Variants in MAN2A1 observed in about 807,000 individuals in gnomAD.
The protein encoded by MAN2A1 is alpha-mannosidase 2.
MAN2A1 carries 76 observed loss-of-function variants against 142.6 expected under a neutral mutation model. The ratio of observed to expected loss-of-function variants is 0.53; its 90% CI spans 0.44 to 0.65. The LOEUF (loss-of-function observed/expected upper bound fraction) is 0.65, where lower values mean the gene tolerates loss of function less well. Ranked by LOEUF, MAN2A1 falls within the 30% of genes least tolerant of loss-of-function variation. MAN2A1 has a pLI of 0.00. For synonymous variants in MAN2A1, 559 were observed against 473.2 expected, an observed-to-expected ratio of 1.18 and a Z score of -2.35; for missense variants, 1,311 against 1,365.1, an observed-to-expected ratio of 0.96 and a Z score of 0.62.
intron 19 of MAN2A1, among the ~76,000 whole-genome samples, chr5:109,848,951 C>T (rs552922309): frequency 6.6e-6 from 1 of 152,350 alleles, no homozygotes; most frequent in East Asian, 1.9e-4. Flanking sequence ...CCATCATATT[C>T]TGAAAGAGCT....
intron 7 of MAN2A1, among the ~76,000 whole-genome samples, chr5:109,772,405 G>A (rs1344667819): frequency 6.6e-6 from 1 of 152,138 alleles, no homozygotes; most frequent in Non-Finnish European, 1.5e-5. Context: ...TACAAGTATT[G>A]AAATGTTAAC....
In MAN2A1 at chr5:109,823,877, T is replaced by A. The variant is rs111907248; in HGVS notation, c.2566+40T>A. Reference sequence around the variant, plus strand: ...ATGCAGTTATGAAACATATGTATTATGGTTTTTGAATTCTTGCTTTTCTTA... The same window carrying A: ...ATGCAGTTATGAAACATATGTATTAAGGTTTTTGAATTCTTGCTTTTCTTA... On this transcript the variant is annotated intron_variant, in intron 16 of 21. Coordinates refer to ENST00000261483, the MANE Select transcript of MAN2A1 (RefSeq NM_002372.4). 6 of 999,116 alleles carry A rather than the reference T, an allele frequency of 6.0e-6. No individual in the cohort carries two copies. The South Asian group carries it at 1.2e-4, about 21-fold the overall frequency. The allele number at this position is 999,116 out of a possible 1,614,324, so 61.9% of individuals were successfully genotyped here. A position where few individuals can be genotyped will look rare whatever the true frequency, so the allele number is the denominator to read the frequency against.
At chr5:109,739,785 C>G (rs1223558343) in intron 4 of MAN2A1, among the ~76,000 whole-genome samples, 1 of 152,106 alleles carries the variant, frequency 6.6e-6, no homozygotes, top group Non-Finnish European at 1.5e-5. Context: ...ACCTGATTTC[C>G]TTTTGGGAAG....
chr5:109,784,028 G>A (rs1244926633), intron 9 of MAN2A1, among the ~76,000 whole-genome samples: 3 of 151,922 alleles, frequency 2.0e-5, no homozygotes, highest in Non-Finnish European at 4.4e-5. Context: ...ACTACACCTG[G>A]CTAAGATAGA....
intron 7 of MAN2A1, among the ~76,000 whole-genome samples, chr5:109,772,374 T>TAAAC (rs746717301): frequency 1.3e-5 from 2 of 152,146 alleles, no homozygotes; most frequent in Non-Finnish European, 2.9e-5. Context: ...GTCTCTAAAA[T>TAAAC]AAACAAACAA....
In MAN2A1 at chr5:109,774,919, A is replaced by G; in HGVS notation, c.1328A>G (p.Gln443Arg). The stretch of plus-strand genomic sequence containing the variant: ...TGGGATTTACAGTTTAAGAATTATC[A>G]GCAGCTTTTTGATTATATGAATTCT... ...TEWDLQFKNYQQLFDYMNSQS... is the reference protein window; with the variant it reads ...TEWDLQFKNYRQLFDYMNSQS... The change falls in exon 8 of 22, where the codon CAG (glutamine) becomes CGG (arginine). Residue 443 changes from glutamine (Q) to arginine (R), a missense_variant. Physicochemically the swap from Gln to Arg is conservative, Grantham distance 43. Transcript: ENST00000261483. The G allele has an allele frequency of 6.2e-7, 1 of 1,611,392 alleles. No homozygotes were observed. The highest frequency in any genetic ancestry group is 8.5e-7 in the Non-Finnish European group (1 of 1,178,404).
intron 17 of MAN2A1, among the ~76,000 whole-genome samples, chr5:109,842,767 A>G (rs749745272): frequency 4.0e-5 from 6 of 150,824 alleles, no homozygotes; most frequent in Non-Finnish European, 8.9e-5. Flanking sequence ...TCTACCAGAA[A>G]GGAAACATAA....
chr5:109,757,912 G>C (rs1417202991), intron 5 of MAN2A1, among the ~76,000 whole-genome samples: 1 of 152,066 alleles, frequency 6.6e-6, no homozygotes, highest in Non-Finnish European at 1.5e-5. Flanking sequence ...TCTGTTGTAT[G>C]GATATACCAG....
chr5:109,799,955 G>A (rs1164094873), intron 12 of MAN2A1, among the ~76,000 whole-genome samples: 1 of 152,032 alleles, frequency 6.6e-6, no homozygotes, highest in African/African-American at 2.4e-5. Flanking sequence ...GGGAGTGGTA[G>A]CATGCACCTG....
At chr5:109,718,280 C>A (rs1043705034) in intron 3 of MAN2A1, among the ~76,000 whole-genome samples, 3 of 152,082 alleles carry the variant, frequency 2.0e-5, no homozygotes, top group Non-Finnish European at 4.4e-5. Flanking sequence ...TTTAAAAGAC[C>A]TTTATTCTTT....
chr5:109,714,250 G>C (rs1293636944), intron 2 of MAN2A1, among the ~76,000 whole-genome samples: 3 of 151,688 alleles, frequency 2.0e-5, no homozygotes, highest in Admixed American at 6.6e-5. Flanking sequence ...TTCCAGTATG[G>C]AAGCCCCTGT....
intron 12 of MAN2A1, among the ~76,000 whole-genome samples, chr5:109,808,707 T>G (rs1754238454): frequency 6.7e-6 from 1 of 149,490 alleles, no homozygotes. Context: ...CACTAATTTT[T>G]TTTTTTTTTT....
intron 1 of MAN2A1, among the ~76,000 whole-genome samples, chr5:109,701,575 T>G (rs749152719): frequency 7.2e-5 from 11 of 152,192 alleles, no homozygotes; most frequent in Admixed American, 1.3e-4. Context: ...GGAAAGGAGC[T>G]AAGAGAATAT....
At chr5:109,806,635 G>A (rs1014046141) in intron 12 of MAN2A1, among the ~76,000 whole-genome samples, 1 of 151,978 alleles carries the variant, frequency 6.6e-6, no homozygotes, top group Non-Finnish European at 1.5e-5. Flanking sequence ...TACTTTCCTT[G>A]CCATTCTTAG....
intron 12 of MAN2A1, among the ~76,000 whole-genome samples, chr5:109,815,071 G>A (rs1754417014): frequency 6.6e-6 from 1 of 152,174 alleles, no homozygotes; most frequent in East Asian, 1.9e-4. Context: ...CATTTCTGGG[G>A]TTCTGCTTTG....
intron 5 of MAN2A1, among the ~76,000 whole-genome samples, chr5:109,761,939 AG>A (rs1252672612): frequency 5.9e-5 from 9 of 152,232 alleles, no homozygotes; most frequent in Middle Eastern, 6.8e-3. Flanking sequence ...AATTGTATAT[AG>A]TATTCTTTGT....
intron 19 of MAN2A1, among the ~76,000 whole-genome samples, chr5:109,848,036 C>A (rs1173421589): frequency 6.6e-6 from 1 of 152,000 alleles, no homozygotes; most frequent in Non-Finnish European, 1.5e-5. Flanking sequence ...CAGGAAATCA[C>A]TTTGGGTAAA....
At chr5:109,732,378 T>G (rs1751940754) in intron 4 of MAN2A1, among the ~76,000 whole-genome samples, 1 of 152,234 alleles carries the variant, frequency 6.6e-6, no homozygotes, top group South Asian at 2.1e-4. Flanking sequence ...TAGATCCCAT[T>G]TGTCAATTTT....
chr5:109,748,690 T>C (rs1419594387), intron 4 of MAN2A1, among the ~76,000 whole-genome samples: 2 of 151,914 alleles, frequency 1.3e-5, no homozygotes, highest in South Asian at 2.1e-4. Context: ...GAGGCAAATA[T>C]TTGAAGGGAA....
Sources: allele counts gnomAD v4.1 joint callset (sites outside exome capture counted in the v4.1 genomes callset), GRCh38; gene constraint gnomAD v4.1.1; transcripts MANE v1.5; gene names NCBI Gene and HGNC (gene_info 2026-07-23, HGNC 2026-07-21).